The following ARHGAP18 variants were observed in gnomAD, a reference collection of about 807,000 sequenced individuals.
ARHGAP18 encodes rho GTPase-activating protein 18.
A neutral mutation model predicts 86.2 loss-of-function variants in ARHGAP18; 67 were observed. The observed-to-expected ratio is 0.78, with a 90% CI of 0.64 to 0.95. The LOEUF is 0.95. Ranked by LOEUF, ARHGAP18 falls within the 40% of genes least tolerant of loss-of-function variation. The pLI is 0.00. For missense variants in ARHGAP18, 691 were observed against 780.4 expected, an observed-to-expected ratio of 0.89 and a Z score of 1.37; for synonymous variants, 283 against 280.4, an observed-to-expected ratio of 1.01 and a Z score of -0.09.
intron 1 of ARHGAP18, among the ~76,000 whole-genome samples, chr6:129,705,136 C>T (rs1292830567): frequency 6.6e-6 from 1 of 152,184 alleles, no homozygotes; most frequent in Non-Finnish European, 1.5e-5. Flanking sequence ...TGGTTTATTT[C>T]CCCCCATTAC....
chr6:129,612,969 C>A (rs1436832216), intron 7 of ARHGAP18, among the ~76,000 whole-genome samples: 1 of 152,094 alleles, frequency 6.6e-6, no homozygotes, highest in East Asian at 1.9e-4. Context: ...CATGGTGGCT[C>A]ACCCCTGTAA....
At chr6:129,637,241 T>G (rs1773353467) in intron 3 of ARHGAP18, among the ~76,000 whole-genome samples, 1 of 152,184 alleles carries the variant, frequency 6.6e-6, no homozygotes, top group Non-Finnish European at 1.5e-5. Context: ...ATTCTTGCGC[T>G]TTTTGTAGAG....
At chr6:129,625,448 T>G (rs1295848496) in intron 5 of ARHGAP18, among the ~76,000 whole-genome samples, 1 of 49,542 alleles carries the variant, frequency 2.0e-5, no homozygotes, top group African/African-American at 9.6e-5. Flanking sequence ...ATATATTTTA[T>G]ATTATATATT....
chr6:129,589,685 C>T (rs1421548255), intron 12 of ARHGAP18, among the ~76,000 whole-genome samples: 1 of 152,148 alleles, frequency 6.6e-6, no homozygotes, highest in Non-Finnish European at 1.5e-5. Context: ...TATAGCAGCA[C>T]CCCACTCTAT....
chr6:129,580,103 C>A lies in ARHGAP18; in HGVS notation c.1867G>T (p.Glu623Ter). The part of the protein sequence containing the change: ...SGVAQTLKKG[E>*]VFLYEIGGNI... The stretch of plus-strand genomic sequence containing the variant: ...CCTCCAATTTCATACAAAAAAACTT[C>A]TCCTTTCTTGAGAGTCTGGGCAACC... The change falls in exon 14 of 15, where the codon GAA (glutamate) becomes TAA (stop). Residue 623 changes from glutamate (E) to a stop codon, truncating the protein, a stop_gained. Transcript: ENST00000368149. LOFTEE classifies it high-confidence loss of function. 1 of 1,613,578 alleles carries A rather than the reference C, an allele frequency of 6.2e-7. No homozygotes were observed. The highest frequency in any genetic ancestry group is 1.1e-5 in the South Asian group (1 of 91,072).
At chr6:129,686,198 ATTTGCATGG>A (rs1774421394) in intron 1 of ARHGAP18, among the ~76,000 whole-genome samples, 1 of 152,104 alleles carries the variant, frequency 6.6e-6, no homozygotes, top group South Asian at 2.1e-4. Context: ...AGGGCCGTTC[ATTTGCATGG>A]TAAGTACCAA....
intron 1 of ARHGAP18, among the ~76,000 whole-genome samples, chr6:129,692,992 C>A (rs1205083143): frequency 6.6e-6 from 1 of 152,170 alleles, no homozygotes; most frequent in Non-Finnish European, 1.5e-5. Flanking sequence ...ACTTTTGAAC[C>A]ACCAAATAGG....
chr6:129,613,810 A>G (rs1023706175), intron 7 of ARHGAP18, among the ~76,000 whole-genome samples: 5 of 152,008 alleles, frequency 3.3e-5, no homozygotes, highest in African/African-American at 1.2e-4. Flanking sequence ...GAGATGAAAA[A>G]TAACTATATT....
intron 1 of ARHGAP18, among the ~76,000 whole-genome samples, chr6:129,646,926 CA>C (rs1225024195): frequency 6.6e-6 from 1 of 152,100 alleles, no homozygotes; most frequent in Non-Finnish European, 1.5e-5. Flanking sequence ...TAAGAATTCT[CA>C]AAAACAACAC....
At chr6:129,633,107 C>T (rs1330633371) in intron 4 of ARHGAP18, among the ~76,000 whole-genome samples, 1 of 152,066 alleles carries the variant, frequency 6.6e-6, no homozygotes, top group Admixed American at 6.6e-5. Context: ...TATAAATTCT[C>T]TCTTAGTAAG....
intron 1 of ARHGAP18, among the ~76,000 whole-genome samples, chr6:129,674,657 T>A (rs1191578479): frequency 6.6e-6 from 1 of 152,246 alleles, no homozygotes; most frequent in Non-Finnish European, 1.5e-5. Context: ...AGAGATGATC[T>A]AAACTATACA....
chr6:129,703,011 AAAAG>A (rs895030438), intron 1 of ARHGAP18, among the ~76,000 whole-genome samples: 21 of 152,302 alleles, frequency 1.4e-4, no homozygotes, highest in Non-Finnish European at 2.4e-4. Context: ...AACAAAAAAA[AAAAG>A]AAGAAGAAAA....
chr6:129,662,762 G>C (rs989942305), intron 1 of ARHGAP18, among the ~76,000 whole-genome samples: 1 of 152,058 alleles, frequency 6.6e-6, no homozygotes, highest in Non-Finnish European at 1.5e-5. Flanking sequence ...AATATAGAGA[G>C]GCACATTAGG....
intron 1 of ARHGAP18, among the ~76,000 whole-genome samples, chr6:129,681,018 G>A (rs1774315350): frequency 6.6e-6 from 1 of 152,168 alleles, no homozygotes; most frequent in Admixed American, 6.5e-5. Flanking sequence ...TCCTGGACAT[G>A]GAGAATTGCT....
At chr6:129,622,160 A>G (rs1250726592) in intron 5 of ARHGAP18, among the ~76,000 whole-genome samples, 1 of 152,172 alleles carries the variant, frequency 6.6e-6, no homozygotes, top group Admixed American at 6.5e-5. Flanking sequence ...AGGCGAGCAT[A>G]GAATCAAACT....
At chr6:129,679,933 C>G (rs1390838707) in intron 1 of ARHGAP18, among the ~76,000 whole-genome samples, 1 of 152,214 alleles carries the variant, frequency 6.6e-6, no homozygotes, top group African/African-American at 2.4e-5. Context: ...CTTGCCTCTT[C>G]CAGTGTCTAT....
chr6:129,707,408 C>G (rs1774819048), intron 1 of ARHGAP18, among the ~76,000 whole-genome samples: 2 of 152,082 alleles, frequency 1.3e-5, no homozygotes, highest in African/African-American at 4.8e-5. Flanking sequence ...TCCGTGCTAT[C>G]TTCTATAATT....
chr6:129,607,807 C>T (rs758001358), intron 9 of ARHGAP18, 86 bp downstream of exon 9: 41 of 1,390,264 alleles, frequency 2.9e-5, no homozygotes, highest in South Asian at 5.3e-5. Flanking sequence ...CGTCTGGTTG[C>T]GTTCTTTGTG....
intron 1 of ARHGAP18, among the ~76,000 whole-genome samples, chr6:129,684,579 A>G (rs575140013): frequency 3.3e-5 from 5 of 152,206 alleles, no homozygotes; most frequent in South Asian, 2.1e-4. Flanking sequence ...TGTAAATTTC[A>G]TGGAAACACA....
Sources: allele counts gnomAD v4.1 joint callset (sites outside exome capture counted in the v4.1 genomes callset), GRCh38; gene constraint gnomAD v4.1.1; transcripts MANE v1.5; gene names NCBI Gene and HGNC (gene_info 2026-07-23, HGNC 2026-07-21).